Variants in SPAG17 observed in about 807,000 individuals in gnomAD.
The protein encoded by SPAG17 is sperm associated antigen 17.
A neutral mutation model predicts 273.6 loss-of-function variants in SPAG17; 169 were observed. The ratio of observed to expected loss-of-function variants is 0.62; its 90% CI spans 0.55 to 0.70. The LOEUF is 0.70. Ranked by LOEUF, SPAG17 falls within the 30% of genes least tolerant of loss-of-function variation. SPAG17 has a pLI of 0.00. For synonymous variants in SPAG17, 825 were observed against 873.2 expected (o/e 0.94, Z 0.97); for missense variants, 2,557 against 2,627.8 (o/e 0.97, Z 0.59).
At chr1:117,954,764 G>T (rs974829696) in intron 48 of SPAG17, 1 of 926,032 alleles carries the variant, frequency 1.1e-6, no homozygotes, top group Non-Finnish European at 1.6e-6. Flanking sequence ...TTGAATCTTG[G>T]CATTCTCTAG....
At chr1:117,960,109 CGT>C (rs3059173) in intron 48 of SPAG17, 5,684 of 144,424 alleles carry the variant, frequency 0.039, 107 homozygotes, top group South Asian at 0.06. Flanking sequence ...TTAATACACT[CGT>C]GTGTGTGTGT....
At chr1:118,052,668 C>A (rs142723522) in intron 20 of SPAG17, among the ~76,000 whole-genome samples, 51 of 151,932 alleles carry the variant, frequency 3.4e-4, no homozygotes, top group African/African-American at 1.2e-3. Context: ...GAAATAGATA[C>A]CATTTTTTCT....
chr1:118,145,993 A>ATT (rs1658966137), intron 3 of SPAG17, among the ~76,000 whole-genome samples: 1 of 152,230 alleles, frequency 6.6e-6, no homozygotes, highest in Admixed American at 6.5e-5. Flanking sequence ...ATGAAGGCTC[A>ATT]TTTCCTGGTT....
intron 3 of SPAG17, among the ~76,000 whole-genome samples, chr1:118,139,113 G>A (rs899324665): frequency 3.3e-5 from 5 of 151,904 alleles, no homozygotes; most frequent in African/African-American, 1.2e-4. Flanking sequence ...ATTAAAAAAT[G>A]GACAAGAAAA....
At chr1:117,970,205 G>T in intron 45 of SPAG17, 89 bp from the exon 46 acceptor site, 1 of 1,318,118 alleles carries the variant, frequency 7.6e-7, no homozygotes, top group Non-Finnish European at 1.1e-6. Flanking sequence ...TAAGGAAGGT[G>T]TTAATATTTG....
At chr1:118,156,715 G>A (rs72631729) in intron 1 of SPAG17, among the ~76,000 whole-genome samples, 11,165 of 151,846 alleles carry the variant, frequency 0.074, 572 homozygotes, top group East Asian at 0.27. Flanking sequence ...ACTTTCTCCC[G>A]TCTCCTATTA....
At chr1:118,185,046 AG>A in intron 1 of SPAG17, 24 bp downstream of exon 1, 1 of 1,606,734 alleles carries the variant, frequency 6.2e-7, no homozygotes, top group Non-Finnish European at 8.5e-7. Flanking sequence ...GGGGGCAGGG[AG>A]GGCTTAAAGG....
In SPAG17 at chr1:118,008,164, C is replaced by A; in HGVS notation, c.4467G>T (p.Lys1489Asn). 4 of 1,614,000 alleles carry A rather than the reference C, an allele frequency of 2.5e-6. No homozygotes were observed. The highest frequency in any genetic ancestry group is 4.5e-5 in the East Asian group (2 of 44,824). ...EGPRTVTRQV[K>N]CMRVESSRYA... ...AGCGTGAGCTTTCTACCCGCATACA[C>A]TTCACCTGCCTGGTGACAGTCCGAG... The change falls in exon 31 of 49, where the codon AAG (lysine) becomes AAT (asparagine). Residue 1489 changes from lysine to asparagine, a missense_variant. Coordinates refer to ENST00000336338, the MANE Select transcript of SPAG17 (RefSeq NM_206996.4).
intron 35 of SPAG17, among the ~76,000 whole-genome samples, chr1:117,993,308 G>A (rs1657309061): frequency 6.6e-6 from 1 of 152,192 alleles, no homozygotes; most frequent in Admixed American, 6.5e-5. Flanking sequence ...GCAGGCCTGT[G>A]CCACTCCTAC....
At chr1:118,117,617 A>G (rs568234067) in intron 3 of SPAG17, among the ~76,000 whole-genome samples, 1 of 152,322 alleles carries the variant, frequency 6.6e-6, no homozygotes, top group South Asian at 2.1e-4. Context: ...ACATGCTCTC[A>G]TGACATACAG....
chr1:118,066,914 A>G lies in SPAG17; in HGVS notation c.2386-15T>C. 1.3e-6 allele frequency: 2 copies of G among 1,595,316 alleles called. No individual in the cohort carries two copies. The highest frequency in any genetic ancestry group is 1.1e-5 in the South Asian group (1 of 87,002). ...TCTTGAAGGACCTGAAAATCAAAAT[A>G]ATTGCATTGTAGAATCTTTTTTATT... On this transcript the variant is annotated splice_polypyrimidine_tract_variant and intron_variant, in intron 17 of 48. Coordinates refer to ENST00000336338, the MANE Select transcript of SPAG17 (RefSeq NM_206996.4).
chr1:118,071,399 C>T (rs1653568151), intron 17 of SPAG17, among the ~76,000 whole-genome samples: 1 of 152,016 alleles, frequency 6.6e-6, no homozygotes, highest in Admixed American at 6.6e-5. Context: ...CCTGTAATGC[C>T]GGCACTTTGG....
At chr1:118,005,351 T>C (rs1245019383) in intron 32 of SPAG17, 63 bp downstream of exon 32, 1 of 1,352,380 alleles carries the variant, frequency 7.4e-7, no homozygotes, top group South Asian at 1.7e-5. Context: ...GGAAGCTTTG[T>C]AGTGTGAAAT....
chr1:118,162,573 G>T (rs563796528), intron 1 of SPAG17, among the ~76,000 whole-genome samples: 12 of 152,318 alleles, frequency 7.9e-5, no homozygotes, highest in African/African-American at 2.9e-4. Context: ...GTATTTCGCA[G>T]CTATGAAGCA....
chr1:117,994,647 A>G (rs1657463574), intron 34 of SPAG17, 117 bp from the exon 35 acceptor site: 1 of 996,998 alleles, frequency 1.0e-6, no homozygotes, highest in African/African-American at 1.6e-5. Context: ...ATGAAAGACT[A>G]ATGAGACACA....
chr1:118,046,231 G>A (rs1376625855), intron 20 of SPAG17, among the ~76,000 whole-genome samples: 3 of 152,052 alleles, frequency 2.0e-5, no homozygotes, highest in Non-Finnish European at 4.4e-5. Context: ...TAGCTACTTG[G>A]CAGGCTGAGG....
intron 18 of SPAG17, among the ~76,000 whole-genome samples, chr1:118,064,437 G>C (rs1652719498): frequency 6.6e-6 from 1 of 151,482 alleles, no homozygotes; most frequent in Non-Finnish European, 1.5e-5. Flanking sequence ...TCCTTTGTAG[G>C]GACATGGATG....
In SPAG17 at chr1:118,150,626, T is replaced by G; in HGVS notation, c.232A>C (p.Asn78His). The G allele has an allele frequency of 6.7e-7, 1 of 1,502,264 alleles. No homozygotes were observed. The highest frequency in any genetic ancestry group is 9.1e-7 in the Non-Finnish European group (1 of 1,094,268). The allele number at this position is 1,502,264 out of a possible 1,614,324, so 93.1% of individuals were successfully genotyped here. Reference sequence around the variant, plus strand: ...GATCCAACAAGTGTATTTATTTCATTAATCTGTAAGAAAATTAAATTTACT... The same window carrying G: ...GATCCAACAAGTGTATTTATTTCATGAATCTGTAAGAAAATTAAATTTACT... ...VSWQDILQQI[N>H]EINTLVGSAS... Residue 78 changes from asparagine (N) to histidine (H), a missense_variant, in exon 3 of 49, where the codon AAT becomes CAT. By Grantham distance (68) the Asn-to-His change is moderately conservative. Transcript: ENST00000336338.
intron 3 of SPAG17, among the ~76,000 whole-genome samples, chr1:118,144,122 C>T (rs1349840466): frequency 6.6e-6 from 1 of 152,184 alleles, no homozygotes; most frequent in Non-Finnish European, 1.5e-5. Flanking sequence ...TTTTGAATGC[C>T]TTTACTTGAG....
Sources: gnomAD v4.1 joint callset for allele counts (sites outside exome capture counted in the v4.1 genomes callset) on GRCh38, gnomAD v4.1.1 for gene constraint, MANE v1.5 for transcripts, NCBI Gene and HGNC (gene_info 2026-07-23, HGNC 2026-07-21) for gene names.